The following HDAC4 variants were observed in gnomAD, a reference collection of about 807,000 sequenced individuals.
HDAC4 encodes the protein histone deacetylase A.
Under a neutral mutation model 135.1 loss-of-function variants are expected in HDAC4, and 16 were observed. That is an observed-to-expected ratio of 0.12 (90% CI 0.08 to 0.18). The LOEUF is 0.18. HDAC4 is among the 10% of genes least tolerant of loss of function. The pLI is 1.00. For synonymous variants in HDAC4, 685 were observed against 653.4 expected (o/e 1.05, Z -0.74); for missense variants, 1,143 against 1,511.8 (o/e 0.76, Z 4.05).
intron 23 of HDAC4, 85 bp from the exon 24 acceptor site, chr2:239,066,940 A>G: frequency 6.6e-7 from 1 of 1,522,836 alleles, no homozygotes. Flanking sequence ...TGGCATCGTA[A>G]GAAGACTGGG....
At chr2:239,178,784 C>T (rs965866565) in intron 4 of HDAC4, among the ~76,000 whole-genome samples, 1 of 152,186 alleles carries the variant, frequency 6.6e-6, no homozygotes, top group East Asian at 1.9e-4. Flanking sequence ...CAGAGTGGCC[C>T]GAGGAACTTT....
chr2:239,298,364 G>A (rs892675882), intron 2 of HDAC4: 29 of 1,190,864 alleles, frequency 2.4e-5, no homozygotes, highest in Middle Eastern at 3.7e-4. Context: ...CTGACACACA[G>A]TAGGGATCCG....
chr2:239,112,977 C>A (rs528962349), intron 13 of HDAC4, among the ~76,000 whole-genome samples: 1 of 152,300 alleles, frequency 6.6e-6, no homozygotes, highest in African/African-American at 2.4e-5. Context: ...GTAATCCCAG[C>A]ACTTGGGGAG....
At position 239,126,453 on chromosome 2, in the gene HDAC4, C is replaced by T; in HGVS notation, c.1533+3G>A. 6.2e-7 allele frequency: 1 copy of T among 1,613,750 alleles called. No individual in the cohort carries two copies. Among genetic ancestry groups the T allele is most frequent in the Non-Finnish European group, 8.5e-7 (1 of 1,180,010 alleles). ...CCTGGGAGCGCTGAGCCGGCAAACCCACCTTGTTCATCTGCAGTTGCTGCT... is the reference window on the plus strand; with the variant it reads ...CCTGGGAGCGCTGAGCCGGCAAACCTACCTTGTTCATCTGCAGTTGCTGCT... On this transcript the variant is annotated splice_donor_region_variant and intron_variant, in intron 12 of 26. Coordinates refer to ENST00000543185, the MANE Select transcript of HDAC4 (RefSeq NM_001378414.1).
intron 16 of HDAC4, 40 bp downstream of exon 16, chr2:239,102,736 T>A (rs1025629737): frequency 1.2e-6 from 2 of 1,612,634 alleles, no homozygotes; most frequent in African/African-American, 2.7e-5. Flanking sequence ...CTCAGGGGAC[T>A]TCAAACCCAA....
chr2:239,076,849 C>T (rs2034816277), intron 22 of HDAC4, among the ~76,000 whole-genome samples: 1 of 152,190 alleles, frequency 6.6e-6, no homozygotes, highest in African/African-American at 2.4e-5. Flanking sequence ...AACCCTCATC[C>T]ACCCCCACCT....
intron 15 of HDAC4, among the ~76,000 whole-genome samples, chr2:239,107,620 A>C (rs1379211008): frequency 6.6e-6 from 1 of 152,238 alleles, no homozygotes; most frequent in East Asian, 1.9e-4. Context: ...AAATTATTTT[A>C]ACAAAAAGCC....
chr2:239,327,523 T>C (rs190239677), intron 2 of HDAC4, among the ~76,000 whole-genome samples: 102 of 152,376 alleles, frequency 6.7e-4, no homozygotes, highest in African/African-American at 2.4e-3. Context: ...CTGGACTTTT[T>C]TTCATTCATG....
chr2:239,062,572 G>A (rs2032915641), intron 24 of HDAC4, among the ~76,000 whole-genome samples: 1 of 152,264 alleles, frequency 6.6e-6, no homozygotes, highest in Admixed American at 6.5e-5. Context: ...GGCCACGGCT[G>A]AAAGCGAAGT....
At chr2:239,124,858 C>CCACG (rs2040048672) in intron 12 of HDAC4, among the ~76,000 whole-genome samples, 11 of 103,140 alleles carry the variant, frequency 1.1e-4, no homozygotes, top group Non-Finnish European at 1.0e-4. Flanking sequence ...ATATGACATT[C>CCACG]TGGTGTGCTG....
rs375397467 is a variant in HDAC4, at chr2:239,111,659, C to T, written c.1845G>A (p.Ala615=). Residue 615 remains alanine, a synonymous_variant, in exon 14 of 27, where the codon GCG becomes GCA. Transcript: ENST00000543185. ...CGGGGATGCCGGCGGCCTCCATGGA[C>T]GCCTGGTAGTTCCTCAGCTGGTGGA... ...QRIHQLRNYQ[A]SMEAAGIPVS... 45 of 1,605,834 alleles carry T rather than the reference C, an allele frequency of 2.8e-5. 1 individual carries two copies. The highest frequency in any genetic ancestry group is 2.5e-4 in the East Asian group (11 of 44,488).
intron 3 of HDAC4, among the ~76,000 whole-genome samples, chr2:239,229,932 TC>T (rs553156607): frequency 6.6e-6 from 1 of 151,712 alleles, no homozygotes; most frequent in Non-Finnish European, 1.5e-5. Flanking sequence ...AATGCAAATT[TC>T]CCCCCCAAGA....
chr2:239,356,799 A>G (rs1693515988), intron 1 of HDAC4, among the ~76,000 whole-genome samples: 1 of 152,220 alleles, frequency 6.6e-6, no homozygotes, highest in Non-Finnish European at 1.5e-5. Flanking sequence ...CGATATTTCC[A>G]TATGAGTTTA....
chr2:239,224,878 C>T (rs1477535535), intron 3 of HDAC4, among the ~76,000 whole-genome samples: 1 of 152,202 alleles, frequency 6.6e-6, no homozygotes, highest in Admixed American at 6.5e-5. Flanking sequence ...AGGTAATTTA[C>T]AATCAATAAG....
chr2:239,180,756 C>T (rs999575383), intron 4 of HDAC4, among the ~76,000 whole-genome samples: 16 of 152,186 alleles, frequency 1.1e-4, no homozygotes, highest in African/African-American at 3.6e-4. Context: ...TGTGCTGGGC[C>T]GCTGCCCCCC....
chr2:239,223,955 T>G (rs1200692470), intron 3 of HDAC4, among the ~76,000 whole-genome samples: 1 of 151,878 alleles, frequency 6.6e-6, no homozygotes, highest in Non-Finnish European at 1.5e-5. Context: ...ATCTTTCTGC[T>G]ATGAATGCCC....
chr2:239,103,961 G>C (rs950808802), intron 15 of HDAC4, among the ~76,000 whole-genome samples: 1 of 152,264 alleles, frequency 6.6e-6, no homozygotes, highest in Non-Finnish European at 1.5e-5. Context: ...GGGCAGGGAC[G>C]GATGCTCTGC....
chr2:239,372,037 G>A (rs192198411), intron 1 of HDAC4, among the ~76,000 whole-genome samples: 28 of 152,312 alleles, frequency 1.8e-4, no homozygotes, highest in Admixed American at 1.2e-3. Flanking sequence ...GTGGCTGCTC[G>A]GCCAGAGGCA....
intron 2 of HDAC4, among the ~76,000 whole-genome samples, chr2:239,263,310 A>G (rs140167842): frequency 0.069 from 5,898 of 86,010 alleles, 161 homozygotes; most frequent in Middle Eastern, 0.13. Flanking sequence ...CTCGAAGCCC[A>G]CCCTGAGGAC....
Sources: allele counts gnomAD v4.1 joint callset (sites outside exome capture counted in the v4.1 genomes callset), GRCh38; gene constraint gnomAD v4.1.1; transcripts MANE v1.5; gene names NCBI Gene and HGNC (gene_info 2026-07-23, HGNC 2026-07-21).